Variants in CCDC91 observed in about 807,000 individuals in gnomAD.
CCDC91 encodes the protein coiled-coil domain-containing protein 91.
Under a neutral mutation model 63.2 loss-of-function variants are expected in CCDC91, and 48 were observed. The ratio of observed to expected loss-of-function variants is 0.76; its 90% confidence interval spans 0.60 to 0.97. CCDC91 has a LOEUF of 0.97. CCDC91 is among the 50% of genes least tolerant of loss of function. The pLI is 0.00. For synonymous variants in CCDC91, 167 were observed against 165.8 expected (o/e 1.01, Z -0.06); for missense variants, 500 against 494.6 (o/e 1.01, Z -0.10).
chr12:28,240,198 A>G (rs929685487), intron 1 of CCDC91, among the ~76,000 whole-genome samples: 4 of 152,152 alleles, frequency 2.6e-5, no homozygotes, highest in African/African-American at 7.2e-5. Context: ...ACGCTTTCTA[A>G]TAGTTTCCTT....
chr12:28,510,855 G>A (rs1428696029), intron 12 of CCDC91, among the ~76,000 whole-genome samples: 1 of 151,788 alleles, frequency 6.6e-6, no homozygotes, highest in Non-Finnish European at 1.5e-5. Context: ...TTGGACATGG[G>A]CTGGGAAGAA....
intron 2 of CCDC91, among the ~76,000 whole-genome samples, chr12:28,258,618 A>G (rs1421811066): frequency 6.6e-6 from 1 of 152,000 alleles, no homozygotes; most frequent in African/African-American, 2.4e-5. Context: ...CATTTTTCAT[A>G]GTTGTAGAGA....
chr12:28,298,489 G>T (rs530764352), intron 3 of CCDC91, among the ~76,000 whole-genome samples: 1 of 151,064 alleles, frequency 6.6e-6, no homozygotes, highest in African/African-American at 2.4e-5. Context: ...ACTCCTGGGG[G>T]TTGATTATTT....
At chr12:28,257,951 G>T (rs929327726) in intron 2 of CCDC91, among the ~76,000 whole-genome samples, 9 of 141,674 alleles carry the variant, frequency 6.4e-5, no homozygotes, top group African/African-American at 1.5e-4. Flanking sequence ...TTTTTTTAAA[G>T]AATTTTACCT....
chr12:28,316,556 C>CTTTTTTTTTTTTTTTTTTT lies in CCDC91; in HGVS notation c.576+8815_576+8833dup, dbSNP rs67889099. ...ATTTTTACTTTCAGCCAACTCACAC[C>CTTTTTTTTTTTTTTTTTTT]TTTTTTTTTTTTTTTTTTTTTTTTT... is the stretch of plus-strand genomic sequence containing the variant. On this transcript the variant is annotated intron_variant, in intron 6 of 12. Transcript: ENST00000536442. Among the ~76,000 whole-genome samples the CTTTTTTTTTTTTTTTTTTT allele has an allele frequency of 2.8e-4, 8 of 28,484 alleles. 2 individuals are homozygous for CTTTTTTTTTTTTTTTTTTT. The highest frequency in any genetic ancestry group is 2.8e-4 in the African/African-American group (2 of 7,028). 18.7% of individuals were successfully genotyped at this position (28,484 alleles called of 152,430 possible). A position where few individuals can be genotyped will look rare whatever the true frequency, so the allele number is the denominator to read the frequency against.
chr12:28,468,072 G>T (rs1950630379), intron 11 of CCDC91, among the ~76,000 whole-genome samples: 1 of 151,716 alleles, frequency 6.6e-6, no homozygotes, highest in Non-Finnish European at 1.5e-5. Context: ...TGAAAGAAAA[G>T]AAATAATAAA....
Position 28,201,527 on chromosome 12 carries a change from G to A in CCDC91, c.-15+10886G>A, listed in dbSNP as rs4340996. Among the ~76,000 whole-genome samples the A allele has an allele frequency of 7.2e-5, 10 of 138,994 alleles. No individual in the cohort carries two copies. In the South Asian group the frequency reaches 1.8e-3, roughly 25 times the overall value. The allele number at this position is 138,994 out of a possible 152,430, so 91.2% of individuals were successfully genotyped here. A position where few individuals can be genotyped will look rare whatever the true frequency, so the allele number is the denominator to read the frequency against. ...GATGGGATGGCGGCCGGGCAGAGAC[G>A]CTCCTCACTTTCCAGACTGGGCAGC... is the stretch of plus-strand genomic sequence containing the variant. On this transcript the variant is annotated intron_variant, in intron 1 of 12. Transcript: ENST00000536442.
At chr12:28,496,124 A>G (rs957666576) in intron 12 of CCDC91, among the ~76,000 whole-genome samples, 1 of 151,650 alleles carries the variant, frequency 6.6e-6, no homozygotes, top group Non-Finnish European at 1.5e-5. Flanking sequence ...TATTAAAACG[A>G]TATTAGGTAA....
chr12:28,430,502 T>G (rs1336963607), intron 8 of CCDC91, among the ~76,000 whole-genome samples: 6 of 152,098 alleles, frequency 3.9e-5, no homozygotes, highest in African/African-American at 4.8e-5. Flanking sequence ...ATTGAATTTG[T>G]TATGAAGAAA....
chr12:28,367,688 G>C (rs10843161), intron 7 of CCDC91, among the ~76,000 whole-genome samples: 59,682 of 152,008 alleles, frequency 0.39, 12,235 homozygotes, highest in Middle Eastern at 0.49. Context: ...ATGCATGTCA[G>C]CACCCACTAT....
At chr12:28,441,341 A>G (rs1482415680) in intron 8 of CCDC91, among the ~76,000 whole-genome samples, 2 of 151,958 alleles carry the variant, frequency 1.3e-5, no homozygotes, top group African/African-American at 4.8e-5. Flanking sequence ...TATAAATTTA[A>G]TCATACACAG....
intron 12 of CCDC91, among the ~76,000 whole-genome samples, chr12:28,498,511 A>G (rs532228679): frequency 6.6e-6 from 1 of 151,804 alleles, no homozygotes; most frequent in East Asian, 2.0e-4. Flanking sequence ...TCCATATACC[A>G]TGAAGCCAAA....
At chr12:28,368,533 T>A (rs1944415704) in intron 7 of CCDC91, among the ~76,000 whole-genome samples, 1 of 152,316 alleles carries the variant, frequency 6.6e-6, no homozygotes, top group East Asian at 1.9e-4. Context: ...TTCTAGCCTT[T>A]ATTTAATGTG....
At chr12:28,412,811 T>G in intron 8 of CCDC91, 1 of 453,770 alleles carries the variant, frequency 2.2e-6, no homozygotes, top group Middle Eastern at 6.9e-4. Context: ...TGCTGATTGG[T>G]GCGTTTTACA....
chr12:28,388,870 G>T (rs1945768472), intron 7 of CCDC91, among the ~76,000 whole-genome samples: 1 of 152,072 alleles, frequency 6.6e-6, no homozygotes, highest in Admixed American at 6.6e-5. Flanking sequence ...GATGGATCAA[G>T]GACTTAAATC....
At chr12:28,335,296 T>C (rs1941872976) in intron 6 of CCDC91, among the ~76,000 whole-genome samples, 1 of 136,622 alleles carries the variant, frequency 7.3e-6, no homozygotes, top group African/African-American at 2.7e-5. Context: ...ATATATAATA[T>C]AATATATAAT....
intron 1 of CCDC91, among the ~76,000 whole-genome samples, chr12:28,221,338 C>G (rs193236713): frequency 9.0e-4 from 137 of 151,852 alleles, no homozygotes; most frequent in African/African-American, 3.1e-3. Flanking sequence ...CTTTTATGTC[C>G]GCTGATTCTC....
chr12:28,481,087 A>G (rs956266289), intron 11 of CCDC91, among the ~76,000 whole-genome samples: 2 of 152,068 alleles, frequency 1.3e-5, no homozygotes, highest in African/African-American at 2.4e-5. Flanking sequence ...TTTAAAAAAT[A>G]GTGTATGGAA....
chr12:28,308,068 G>A (rs1592265919), intron 6 of CCDC91, among the ~76,000 whole-genome samples: 2 of 151,958 alleles, frequency 1.3e-5, no homozygotes. Flanking sequence ...TTAGAATCCT[G>A]TAATCCAGAA....
Sources: allele counts gnomAD v4.1 joint callset (sites outside exome capture counted in the v4.1 genomes callset), GRCh38; gene constraint gnomAD v4.1.1; transcripts MANE v1.5; gene names NCBI Gene and HGNC (gene_info 2026-07-23, HGNC 2026-07-21).